The following CDH12 variants were observed in gnomAD, a reference collection of about 807,000 sequenced individuals.
CDH12 encodes cadherin 12, also known as cadherin-12.
In CDH12, 41 loss-of-function variants were observed where a neutral mutation model predicts 74.1. That is an observed-to-expected ratio of 0.55 (90% CI 0.43 to 0.72). CDH12 has a LOEUF of 0.72. CDH12 is among the 30% of genes least tolerant of loss of function. The pLI is 0.00. For synonymous variants in CDH12, 399 were observed against 355.0 expected, an observed-to-expected ratio of 1.12 and a Z score of -1.39; for missense variants, 945 against 977.2, an observed-to-expected ratio of 0.97 and a Z score of 0.44.
At chr5:22,007,105 C>T (rs977686480) in intron 5 of CDH12, among the ~76,000 whole-genome samples, 1 of 152,062 alleles carries the variant, frequency 6.6e-6, no homozygotes, top group Non-Finnish European at 1.5e-5. Context: ...TAGAAAATCT[C>T]TATTCTTGGA....
At chr5:21,803,147 T>C (rs1747233315) in intron 9 of CDH12, among the ~76,000 whole-genome samples, 1 of 152,192 alleles carries the variant, frequency 6.6e-6, no homozygotes, top group Non-Finnish European at 1.5e-5. Flanking sequence ...TCATTGAAGA[T>C]ACTCTAGATT....
chr5:21,898,884 TA>T (rs33947838), intron 6 of CDH12, among the ~76,000 whole-genome samples: 147,073 of 152,098 alleles, frequency 0.97, 71,278 homozygotes, highest in Non-Finnish European at 1. Flanking sequence ...TCATGGAAGT[TA>T]AAACAAAAAT....
chr5:22,602,733 C>T (rs1736908797), intron 1 of CDH12, among the ~76,000 whole-genome samples: 1 of 152,088 alleles, frequency 6.6e-6, no homozygotes, highest in South Asian at 2.1e-4. Context: ...TTACTTCTAG[C>T]TAACACCATG....
Position 22,204,671 on chromosome 5 carries a change from A to G in CDH12, c.-187+7827T>C, listed in dbSNP as rs186988002. ...CTCTTTTTTACACATTCACCACTCC[A>G]TTGTCATGTTCTATCAAACTAATGT... On this transcript the variant is annotated intron_variant, in intron 4 of 14. Transcript: ENST00000382254. Among the ~76,000 whole-genome samples, 500 of 152,230 alleles carry G rather than the reference A, an allele frequency of 3.3e-3. 2 individuals are homozygous for G. Among genetic ancestry groups the G allele is most frequent in the South Asian group, 0.023 (111 of 4,820 alleles).
chr5:22,510,535 TAGGC>T (rs1304006215), intron 1 of CDH12, among the ~76,000 whole-genome samples: 1 of 152,140 alleles, frequency 6.6e-6, no homozygotes, highest in Non-Finnish European at 1.5e-5. Context: ...CAGTCATCCT[TAGGC>T]AGCCACAAGG....
chr5:22,653,047 T>C (rs1004237819), intron 1 of CDH12, among the ~76,000 whole-genome samples: 2 of 152,134 alleles, frequency 1.3e-5, no homozygotes, highest in African/African-American at 4.8e-5. Context: ...ATCCACCAAA[T>C]GGGACTTAAT....
chr5:21,879,987 A>G (rs1442121419), intron 6 of CDH12, among the ~76,000 whole-genome samples: 1 of 152,224 alleles, frequency 6.6e-6, no homozygotes, highest in African/African-American at 2.4e-5. Flanking sequence ...GTCTTAAGAA[A>G]GAAGCTGTGA....
At chr5:22,581,298 C>T (rs112398025) in intron 1 of CDH12, among the ~76,000 whole-genome samples, 1 of 152,238 alleles carries the variant, frequency 6.6e-6, no homozygotes, top group African/African-American at 2.4e-5. Context: ...GTCCCAACTG[C>T]TCCAGCCATG....
intron 1 of CDH12, among the ~76,000 whole-genome samples, chr5:22,824,387 G>A (rs1749895564): frequency 6.6e-6 from 1 of 151,960 alleles, no homozygotes; most frequent in South Asian, 2.1e-4. Flanking sequence ...AAATATGGGG[G>A]AAATTTCTCA....
chr5:22,760,824 A>C (rs1452908489), intron 1 of CDH12, among the ~76,000 whole-genome samples: 2 of 152,164 alleles, frequency 1.3e-5, no homozygotes, highest in East Asian at 3.8e-4. Context: ...GAGTAACTGA[A>C]ATTGAATGTG....
At chr5:22,200,321 G>T (rs974704507) in intron 4 of CDH12, among the ~76,000 whole-genome samples, 4 of 152,120 alleles carry the variant, frequency 2.6e-5, no homozygotes, top group African/African-American at 9.7e-5. Context: ...ATAGGAATTA[G>T]TGTAGCTCCC....
intron 5 of CDH12, among the ~76,000 whole-genome samples, chr5:21,991,791 A>T (rs1757766069): frequency 6.6e-6 from 1 of 151,590 alleles, no homozygotes; most frequent in African/African-American, 2.4e-5. Flanking sequence ...AATGTGTAAT[A>T]TCACAAATGC....
chr5:22,015,138 T>C (rs1737523583), intron 5 of CDH12, among the ~76,000 whole-genome samples: 1 of 152,176 alleles, frequency 6.6e-6, no homozygotes, highest in Admixed American at 6.5e-5. Flanking sequence ...TCAGTTTAAT[T>C]TTCTCACAGT....
At chr5:22,138,903 A>G (rs750831288) in intron 4 of CDH12, among the ~76,000 whole-genome samples, 6 of 132,700 alleles carry the variant, frequency 4.5e-5, no homozygotes, top group Admixed American at 1.7e-4. Context: ...ATGTACATGA[A>G]GATACTAGCT....
intron 5 of CDH12, among the ~76,000 whole-genome samples, chr5:22,058,454 C>A (rs902487050): frequency 6.6e-6 from 1 of 151,930 alleles, no homozygotes; most frequent in African/African-American, 2.4e-5. Flanking sequence ...GTATTTGTCC[C>A]CAGCAGTAAT....
chr5:22,600,404 T>C (rs866187241), intron 1 of CDH12, among the ~76,000 whole-genome samples: 2 of 152,296 alleles, frequency 1.3e-5, no homozygotes, highest in Non-Finnish European at 1.5e-5. Flanking sequence ...TTAGTACGTA[T>C]GTATCTCTAG....
At chr5:22,763,966 G>T (rs1746362637) in intron 1 of CDH12, among the ~76,000 whole-genome samples, 1 of 151,684 alleles carries the variant, frequency 6.6e-6, no homozygotes. Context: ...TTTCCTTGAG[G>T]CTCTCTTTGG....
chr5:22,643,043 G>A (rs1739232865), intron 1 of CDH12, among the ~76,000 whole-genome samples: 1 of 152,088 alleles, frequency 6.6e-6, no homozygotes, highest in South Asian at 2.1e-4. Context: ...TGCCTATGAA[G>A]CTTTTGTATT....
chr5:21,931,693 A>G (rs1341624858), intron 6 of CDH12, among the ~76,000 whole-genome samples: 3 of 152,238 alleles, frequency 2.0e-5, no homozygotes, highest in Non-Finnish European at 4.4e-5. Flanking sequence ...TTTTTAAAAT[A>G]TCATAATGCA....
Sources: gnomAD v4.1 joint callset for allele counts (sites outside exome capture counted in the v4.1 genomes callset) on GRCh38, gnomAD v4.1.1 for gene constraint, MANE v1.5 for transcripts, NCBI Gene and HGNC (gene_info 2026-07-23, HGNC 2026-07-21) for gene names.